TTC12: variants seen among roughly 807,000 people sequenced by gnomAD.
TTC12 encodes the protein tetratricopeptide repeat protein 12.
TTC12 carries 70 observed loss-of-function variants against 90.1 expected under a neutral mutation model. The observed-to-expected ratio is 0.78, with a 90% CI of 0.64 to 0.95. TTC12 has a LOEUF of 0.95. TTC12 is among the 40% of genes least tolerant of loss of function. TTC12 has a pLI of 0.00. For synonymous variants in TTC12, 296 were observed against 311.5 expected, an observed-to-expected ratio of 0.95 and a Z score of 0.53; for missense variants, 819 against 846.1, an observed-to-expected ratio of 0.97 and a Z score of 0.40.
At chr11:113,359,540 C>T (rs1391851362) in intron 17 of TTC12, 79 bp downstream of exon 17, 16 of 954,132 alleles carry the variant, frequency 1.7e-5, no homozygotes, top group Non-Finnish European at 2.5e-5. Context: ...TTCTCATGTT[C>T]ACGAAGAGAC....
At chr11:113,337,740 G>A (rs782277572) in intron 8 of TTC12, among the ~76,000 whole-genome samples, 3 of 152,150 alleles carry the variant, frequency 2.0e-5, no homozygotes, top group Non-Finnish European at 2.9e-5. Context: ...ATGTGTTTTG[G>A]CATGGTAAGA....
rs1947940444 is a variant in TTC12, at chr11:113,329,996, T to C, written c.504+17T>C. On this transcript the variant is annotated intron_variant, in intron 7 of 21. Transcript: ENST00000529221. ...GCTCTCAAGGTAAGAGGGTATTTCT[T>C]TTCCCACATGATAGTGTTGGGCTGA... The C allele has an allele frequency of 2.5e-6, 4 of 1,602,270 alleles. No homozygotes were observed. In the Admixed American group the frequency reaches 6.7e-5, roughly 27 times the overall value.
intron 5 of TTC12, among the ~76,000 whole-genome samples, 179 bp from the exon 6 acceptor site, chr11:113,325,345 A>G (rs1451261323): frequency 8.5e-5 from 13 of 152,108 alleles, no homozygotes; most frequent in Admixed American, 8.5e-4. Flanking sequence ...ATTTGGAGGA[A>G]AAAAAATACT....
chr11:113,351,326 T>G (rs782134614), intron 15 of TTC12, 27 bp downstream of exon 15: 9 of 1,600,766 alleles, frequency 5.6e-6, no homozygotes, highest in Non-Finnish European at 7.7e-6. Flanking sequence ...TTTCATCCTC[T>G]GTAACAGACA....
At chr11:113,327,341 G>T (rs1947755042) in intron 6 of TTC12, among the ~76,000 whole-genome samples, 1 of 152,200 alleles carries the variant, frequency 6.6e-6, no homozygotes, top group Non-Finnish European at 1.5e-5. Flanking sequence ...GCTCCCTGGT[G>T]TTACAAACCG....
chr11:113,338,328 A>C (rs1166703889), intron 8 of TTC12, among the ~76,000 whole-genome samples: 1 of 152,144 alleles, frequency 6.6e-6, no homozygotes. Flanking sequence ...CGCAGCTTGT[A>C]CATTTAACTA....
At chr11:113,320,283 G>T (rs1404575957) in intron 2 of TTC12, among the ~76,000 whole-genome samples, 2 of 152,268 alleles carry the variant, frequency 1.3e-5, no homozygotes, top group African/African-American at 4.8e-5. Flanking sequence ...GTTGCCTTTT[G>T]GCCTGCCATG....
chr11:113,361,299 AC>A (rs1949908936), intron 18 of TTC12, among the ~76,000 whole-genome samples: 1 of 152,246 alleles, frequency 6.6e-6, no homozygotes, highest in Non-Finnish European at 1.5e-5. Context: ...TTGGGGGGGA[AC>A]AAAAAAAGTA....
In TTC12 at chr11:113,361,954, TA is replaced by T. The variant is rs35243476; in HGVS notation, c.1615-432del. ...AAAGAGTAACAGCTTGGCATTTATT[TA>T]AAAAAAAAAAAAAAGAAAGAAGAGC... On this transcript the variant is annotated intron_variant, in intron 18 of 21. Transcript: ENST00000529221. Among the ~76,000 whole-genome samples, 591 of 137,842 alleles carry T rather than the reference TA, an allele frequency of 4.3e-3. 3 individuals carry two copies. Among genetic ancestry groups the T allele is most frequent in the African/African-American group, 0.01 (377 of 36,402 alleles). 90.4% of individuals were successfully genotyped at this position (137,842 alleles called of 152,430 possible).
At chr11:113,345,136 T>A (rs1555147685) in intron 13 of TTC12, among the ~76,000 whole-genome samples, 1 of 152,250 alleles carries the variant, frequency 6.6e-6, no homozygotes, top group African/African-American at 2.4e-5. Flanking sequence ...CATATGAAAT[T>A]GCCACTTATT....
intron 14 of TTC12, among the ~76,000 whole-genome samples, 199 bp downstream of exon 14, chr11:113,350,364 G>A (rs1281876156): frequency 6.6e-6 from 1 of 152,184 alleles, no homozygotes; most frequent in East Asian, 1.9e-4. Context: ...CATAGAGGCT[G>A]ACCCGGGCCT....
intron 6 of TTC12, among the ~76,000 whole-genome samples, chr11:113,326,363 G>C (rs1359316459): frequency 6.6e-6 from 1 of 152,130 alleles, no homozygotes. Flanking sequence ...AGAGTTCTCT[G>C]CTGGACAGGC....
At position 113,339,426 on chromosome 11, in the gene TTC12, T is replaced by C. The variant is rs1003166288; in HGVS notation, c.778T>C (p.Leu260=). The part of the protein sequence containing the change: ...ETLSKPDQIP[L]FYAGGIEILT... The stretch of plus-strand genomic sequence containing the variant: ...CCTTTCCAAGCCTGACCAGATCCCC[T>C]TGTTCTATGCTGGGGGGATTGAGAT... Residue 260 remains leucine (L), a synonymous_variant, in exon 10 of 22, where the codon TTG becomes CTG. Coordinates refer to ENST00000529221, the MANE Select transcript of TTC12 (RefSeq NM_017868.4). The C allele has an allele frequency of 1.9e-6, 3 of 1,613,286 alleles. No homozygotes were observed. The highest frequency in any genetic ancestry group is 2.5e-6 in the Non-Finnish European group (3 of 1,179,854).
Position 113,329,988 on chromosome 11 carries a change from G to A in TTC12, c.504+9G>A, listed in dbSNP as rs782556883. 1.7e-5 allele frequency: 28 copies of A among 1,607,036 alleles called. No individual in the cohort carries two copies. The highest frequency in any genetic ancestry group is 2.1e-5 in the Non-Finnish European group (25 of 1,173,658). Reference sequence around the variant, plus strand: ...GTGAGTGGGCTCTCAAGGTAAGAGGGTATTTCTTTTCCCACATGATAGTGT... The same window carrying A: ...GTGAGTGGGCTCTCAAGGTAAGAGGATATTTCTTTTCCCACATGATAGTGT... On this transcript the variant is annotated intron_variant, in intron 7 of 21. Transcript: ENST00000529221.
intron 21 of TTC12, among the ~76,000 whole-genome samples, 177 bp from the exon 22 acceptor site, chr11:113,366,048 C>T (rs544411884): frequency 1.3e-5 from 2 of 152,176 alleles, no homozygotes; most frequent in South Asian, 4.1e-4. Flanking sequence ...CCCTGAGGGT[C>T]TTACTTACCC....
intron 20 of TTC12, 41 bp downstream of exon 20, chr11:113,363,968 T>G (rs1323387230): frequency 7.1e-7 from 1 of 1,404,208 alleles, no homozygotes; most frequent in East Asian, 2.3e-5. Context: ...GTCCCAGAGG[T>G]TCATCCACCC....
At chr11:113,362,875 T>C (rs1021850174) in intron 19 of TTC12, among the ~76,000 whole-genome samples, 2 of 152,220 alleles carry the variant, frequency 1.3e-5, no homozygotes, top group Non-Finnish European at 2.9e-5. Context: ...TATACAGTTA[T>C]CTGGAGAGTG....
chr11:113,340,053 A>G (rs1467954233), intron 10 of TTC12, among the ~76,000 whole-genome samples: 1 of 152,218 alleles, frequency 6.6e-6, no homozygotes, highest in Non-Finnish European at 1.5e-5. Flanking sequence ...ATGGCTGCAT[A>G]GGATGTGAAA....
intron 20 of TTC12, 24 bp from the exon 21 acceptor site, chr11:113,364,811 G>C: frequency 6.2e-7 from 1 of 1,606,676 alleles, no homozygotes; most frequent in Non-Finnish European, 8.5e-7. Flanking sequence ...AGGAGCTGTT[G>C]CTTGTTCTCT....
Sources: gnomAD v4.1 joint callset for allele counts (sites outside exome capture counted in the v4.1 genomes callset) on GRCh38, gnomAD v4.1.1 for gene constraint, MANE v1.5 for transcripts, NCBI Gene and HGNC (gene_info 2026-07-23, HGNC 2026-07-21) for gene names.